Variants in SUSD4 observed in about 807,000 individuals in gnomAD.
SUSD4 encodes sushi domain containing 4.
A neutral mutation model predicts 50.5 loss-of-function variants in SUSD4; 41 were observed. The observed-to-expected ratio is 0.81, with a 90% confidence interval of 0.63 to 1.05. SUSD4 has a LOEUF of 1.05. SUSD4 is among the 50% of genes least tolerant of loss of function. The pLI is 0.00. For missense variants in SUSD4, 580 were observed against 634.7 expected (o/e 0.91, Z 0.93); for synonymous variants, 257 against 257.3 (o/e 1.00, Z 0.01).
At chr1:223,299,199 C>T (rs1665027534) in intron 2 of SUSD4, among the ~76,000 whole-genome samples, 1 of 152,164 alleles carries the variant, frequency 6.6e-6, no homozygotes, top group African/African-American at 2.4e-5. Flanking sequence ...CAATGATCAG[C>T]CCCCTCAAAT....
At chr1:223,273,206 A>G (rs1343991030) in intron 3 of SUSD4, among the ~76,000 whole-genome samples, 1 of 152,208 alleles carries the variant, frequency 6.6e-6, no homozygotes, top group East Asian at 1.9e-4. Context: ...AGACCTGTGT[A>G]TTTGGAATAT....
chr1:223,262,644 A>G (rs1662203015), intron 5 of SUSD4, among the ~76,000 whole-genome samples: 3 of 152,294 alleles, frequency 2.0e-5, no homozygotes, highest in Admixed American at 2.0e-4. Context: ...TCAAGTCTTG[A>G]AAGAAATAAT....
chr1:223,307,154 TC>T (rs1222117918), intron 2 of SUSD4, among the ~76,000 whole-genome samples: 1 of 152,138 alleles, frequency 6.6e-6, no homozygotes, highest in Non-Finnish European at 1.5e-5. Flanking sequence ...AGCCACCACA[TC>T]CAGCCAGTCT....
intron 3 of SUSD4, among the ~76,000 whole-genome samples, chr1:223,287,931 C>G (rs550950999): frequency 7.3e-4 from 111 of 152,298 alleles, no homozygotes; most frequent in Non-Finnish European, 1.4e-3. Context: ...CACACTCCCC[C>G]TGCAAAGAGG....
chr1:223,258,481 C>A (rs1222819217), intron 5 of SUSD4, among the ~76,000 whole-genome samples: 2 of 151,892 alleles, frequency 1.3e-5, no homozygotes, highest in Non-Finnish European at 2.9e-5. Context: ...CTGATGAAAA[C>A]TACATCTCTG....
intron 2 of SUSD4, among the ~76,000 whole-genome samples, chr1:223,338,669 G>A (rs1471546378): frequency 6.6e-6 from 1 of 152,222 alleles, no homozygotes; most frequent in African/African-American, 2.4e-5. Context: ...GGGGAGAAGG[G>A]GTGATGCACT....
intron 2 of SUSD4, among the ~76,000 whole-genome samples, chr1:223,362,315 T>A (rs943447960): frequency 2.6e-5 from 4 of 152,204 alleles, no homozygotes; most frequent in Admixed American, 1.3e-4. Flanking sequence ...CTAAAATGGT[T>A]TATTTACATC....
rs1659595793 is a variant in SUSD4 at position 223,227,504 on chromosome 1, A to G, written c.1061+90T>C. 1 of 1,515,918 alleles carries G rather than the reference A, an allele frequency of 6.6e-7. No individual in the cohort carries two copies. Among genetic ancestry groups the G allele is most frequent in the Non-Finnish European group, 8.9e-7 (1 of 1,118,356 alleles). 93.9% of individuals were successfully genotyped at this position (1,515,918 alleles called of 1,614,324 possible). ...TCCCCTGTTTCCCTTTAGAGCTTCA[A>G]CTTTTCACTCATCACTTTCTCCCTC... On this transcript the variant is annotated intron_variant, in intron 7 of 8. Coordinates refer to ENST00000366878, the MANE Select transcript of SUSD4 (RefSeq NM_017982.4). The surrounding 1 kb of genome is among the most constrained non-coding windows in gnomAD (Gnocchi z 4.5).
chr1:223,267,938 G>A (rs1260301937), intron 4 of SUSD4, among the ~76,000 whole-genome samples: 3 of 146,922 alleles, frequency 2.0e-5, no homozygotes, highest in Non-Finnish European at 4.5e-5. Context: ...CTAAAAAAAT[G>A]CAAGGGAATA....
At chr1:223,266,297 T>C (rs1371815933) in intron 4 of SUSD4, among the ~76,000 whole-genome samples, 1 of 152,170 alleles carries the variant, frequency 6.6e-6, no homozygotes. Context: ...ACAATGTTTA[T>C]AGTAAAAGTG....
At position 223,363,284 on chromosome 1, in the gene SUSD4, T is replaced by C. The variant is rs760746423; in HGVS notation, c.142A>G (p.Thr48Ala). ...LALCFGPAQL[T>A]GGFDDLQVCA... ...CCACAGCTGGGTCACTCACCGCCCG[T>C]GAGCTGTGCAGGGCCGAAGCACAGC... Residue 48 changes from threonine (T) to alanine (A), a missense_variant, in exon 2 of 9, where the codon ACG becomes GCG. Thr to Ala is a moderately conservative substitution (Grantham distance 58). Transcript: ENST00000366878. 6.3e-7 allele frequency: 1 copy of C among 1,598,888 alleles called. No individual in the cohort carries two copies. Among genetic ancestry groups the C allele is most frequent in the East Asian group, 2.2e-5 (1 of 44,578 alleles).
At chr1:223,321,982 T>C (rs2138970) in intron 2 of SUSD4, among the ~76,000 whole-genome samples, 80,599 of 152,070 alleles carry the variant, frequency 0.53, 21,376 homozygotes, top group African/African-American at 0.55. Context: ...TAGTTACCGA[T>C]TGAGCATCCC....
rs1428450222 is a variant in SUSD4, at chr1:223,264,703, A to C, written c.651T>G (p.Asp217Glu). 6.2e-7 allele frequency: 1 copy of C among 1,614,122 alleles called. No individual in the cohort carries two copies. Among genetic ancestry groups the C allele is most frequent in the African/African-American group, 1.3e-5 (1 of 74,934 alleles). Residue 217 changes from aspartate (D) to glutamate (E), a missense_variant, in exon 5 of 9, where the codon GAT becomes GAG. Asp to Glu is a conservative substitution (Grantham distance 45). Transcript: ENST00000366878. The part of the protein sequence containing the change: ...SYRCFPGFKL[D>E]GSAYLECLQN... Reference sequence around the variant, plus strand: ...GTAAGCACTCAAGATACGCAGACCCATCAAGTTTAAATCCGGGAAAGCAGC... The same window carrying C: ...GTAAGCACTCAAGATACGCAGACCCCTCAAGTTTAAATCCGGGAAAGCAGC...
In SUSD4 at chr1:223,276,483, G is replaced by C. The variant is rs772181739; in HGVS notation, c.362-7808C>G. 4.6e-5 allele frequency among the ~76,000 whole-genome samples: 7 copies of C among 152,336 alleles called. No individual in the cohort carries two copies. The South Asian group carries it at 6.2e-4, about 14-fold the overall frequency. On this transcript the variant is annotated intron_variant, in intron 3 of 8. Coordinates refer to ENST00000366878, the MANE Select transcript of SUSD4 (RefSeq NM_017982.4). ...GGCTTGAGAACCCTTGTCTGTGGTG[G>C]TCCACCTGTCATCTTGCAACCATCA...
At chr1:223,364,386 G>A (rs1236738794), upstream of SUSD4, among the ~76,000 whole-genome samples, 6 of 147,548 alleles carry the variant, frequency 4.1e-5, no homozygotes, top group Non-Finnish European at 4.5e-5. This position sits in a 1 kb window ranked among gnomAD's most constrained non-coding sequence, Gnocchi z 4.5. Flanking sequence ...GCGGGGACGG[G>A]GCGAGGGGTG....
chr1:223,247,532 C>T (rs960042354), intron 5 of SUSD4, among the ~76,000 whole-genome samples: 3 of 152,186 alleles, frequency 2.0e-5, no homozygotes, highest in African/African-American at 4.8e-5. Flanking sequence ...CTTACAGCAG[C>T]GGTCTACCAT....
chr1:223,305,866 T>C (rs1665505809), intron 2 of SUSD4, among the ~76,000 whole-genome samples: 1 of 152,222 alleles, frequency 6.6e-6, no homozygotes, highest in Admixed American at 6.5e-5. Context: ...ACCCAGAAAC[T>C]ACATTGAACA....
At chr1:223,337,727 G>A (rs1329254751) in intron 2 of SUSD4, among the ~76,000 whole-genome samples, 1 of 152,158 alleles carries the variant, frequency 6.6e-6, no homozygotes, top group East Asian at 1.9e-4. Context: ...CGACTACATG[G>A]TCAGTTTACA....
chr1:223,248,986 G>C (rs1661124789), intron 5 of SUSD4, among the ~76,000 whole-genome samples: 1 of 152,184 alleles, frequency 6.6e-6, no homozygotes, highest in Non-Finnish European at 1.5e-5. Context: ...GGAATGGCTG[G>C]TGCTGAAATC....
Sources: gnomAD v4.1 joint callset for allele counts (sites outside exome capture counted in the v4.1 genomes callset) on GRCh38, gnomAD v4.1.1 for gene constraint, Gnocchi (gnomAD v3.1) non-coding constraint, MANE v1.5 for transcripts, NCBI Gene and HGNC (gene_info 2026-07-23, HGNC 2026-07-21) for gene names.